Variants in TET3 observed in about 807,000 individuals in gnomAD.
TET3 encodes the protein methylcytosine dioxygenase TET3.
Under a neutral mutation model 141.4 loss-of-function variants are expected in TET3, and 19 were observed. The ratio of observed to expected loss-of-function variants is 0.13; its 90% CI spans 0.09 to 0.20. The LOEUF is 0.20. Among genes scored for constraint, TET3 ranks in the 10% least tolerant of loss-of-function variants. The pLI, the probability that TET3 is intolerant of heterozygous loss-of-function variation, is 1.00. For missense variants in TET3, 1,874 were observed against 2,356.9 expected, an observed-to-expected ratio of 0.80 and a Z score of 4.24; for synonymous variants, 1,043 against 980.9, an observed-to-expected ratio of 1.06 and a Z score of -1.18.
chr2:74,050,904 C>T (rs1411306326), intron 4 of TET3, among the ~76,000 whole-genome samples: 2 of 152,064 alleles, frequency 1.3e-5, no homozygotes, highest in African/African-American at 2.4e-5. Context: ...TAGTTACCCA[C>T]TCAGCCAGTG....
chr2:74,025,937 C>A, intron 3 of TET3, among the ~76,000 whole-genome samples: 1 of 151,410 alleles, frequency 6.6e-6, no homozygotes, highest in African/African-American at 2.4e-5. Flanking sequence ...GACCTCATCT[C>A]CAAAAAAAAA....
At chr2:74,063,893 C>CAAAAAAAAAAAAA (rs70965781) in intron 4 of TET3, among the ~76,000 whole-genome samples, 1 of 106,306 alleles carries the variant, frequency 9.4e-6, no homozygotes, top group African/African-American at 3.0e-5. Flanking sequence ...TCTCTGCAGA[C>CAAAAAAAAAAAAA]AAAAAAAAAA....
At chr2:74,002,052 T>G (rs928244522) in intron 2 of TET3, among the ~76,000 whole-genome samples, 2 of 152,034 alleles carry the variant, frequency 1.3e-5, no homozygotes, top group Non-Finnish European at 2.9e-5. Context: ...GGAGCCTGTT[T>G]TCTGAGGTGG....
intron 5 of TET3, among the ~76,000 whole-genome samples, chr2:74,074,250 T>G (rs1045878121): frequency 1.3e-5 from 2 of 152,186 alleles, no homozygotes; most frequent in African/African-American, 2.4e-5. Flanking sequence ...TCCTGGTTCC[T>G]TTTATTGGAG....
At chr2:74,071,692 T>C (rs1029631551) in intron 4 of TET3, among the ~76,000 whole-genome samples, 1 of 152,214 alleles carries the variant, frequency 6.6e-6, no homozygotes, top group Non-Finnish European at 1.5e-5. Context: ...CAATGTAGGT[T>C]ACTCTATTAC....
intron 3 of TET3, among the ~76,000 whole-genome samples, chr2:74,018,077 C>T (rs1239134337): frequency 6.6e-6 from 1 of 151,148 alleles, no homozygotes; most frequent in Non-Finnish European, 1.5e-5. Flanking sequence ...AAGCAATTCT[C>T]CTGCCTCAGC....
At chr2:74,040,181 T>C (rs1687269133) in intron 3 of TET3, among the ~76,000 whole-genome samples, 1 of 152,000 alleles carries the variant, frequency 6.6e-6, no homozygotes, top group African/African-American at 2.4e-5. Context: ...GCTGGGAGTC[T>C]TAAGAGAGGG....
At chr2:74,020,745 G>C (rs561119835) in intron 3 of TET3, among the ~76,000 whole-genome samples, 27 of 152,344 alleles carry the variant, frequency 1.8e-4, no homozygotes, top group African/African-American at 6.0e-4. Context: ...AATCCCTGCT[G>C]TTGTTAAGCA....
intron 4 of TET3, among the ~76,000 whole-genome samples, chr2:74,068,473 A>T (rs1689029164): frequency 6.6e-6 from 1 of 152,186 alleles, no homozygotes. Context: ...CATTATATGG[A>T]TATGCTGTAA....
At chr2:74,110,287 C>T (rs184522263), downstream of TET3, among the ~76,000 whole-genome samples, 2 of 152,176 alleles carry the variant, frequency 1.3e-5, no homozygotes, top group Admixed American at 1.3e-4. Context: ...CCCACTCTCC[C>T]TGCCTATTTT....
the TET3 span, among the ~76,000 whole-genome samples, chr2:74,127,812 G>A: frequency 1.3e-5 from 2 of 152,044 alleles, no homozygotes; most frequent in African/African-American, 4.8e-5. Context: ...TTTTAAGTGT[G>A]TGCTTCAGCA....
chr2:74,021,161 G>A (rs185404410), intron 3 of TET3, among the ~76,000 whole-genome samples: 1 of 152,126 alleles, frequency 6.6e-6, no homozygotes, highest in Admixed American at 6.5e-5. Flanking sequence ...TGGGGCCTCT[G>A]AGTCTCCCCA....
chr2:74,086,624 T>C (rs1690173076), intron 6 of TET3, among the ~76,000 whole-genome samples: 1 of 151,706 alleles, frequency 6.6e-6, no homozygotes, highest in Middle Eastern at 3.2e-3. Context: ...CCCTGTCTCT[T>C]AAAAAATTTT....
chr2:74,002,643 G>C lies in TET3; in HGVS notation c.304-467G>C, dbSNP rs1684916328. ...CAGGGCCGGCCGCGGGGATTGGCTG[G>C]CGAGCGCGCCGCCCCCTCGCACACC... On this transcript the variant is annotated intron_variant, in intron 2 of 11. Coordinates refer to ENST00000409262, the MANE Select transcript of TET3 (RefSeq NM_001287491.2). The C allele has an allele frequency of 8.0e-6, 3 of 373,522 alleles. No individual in the cohort carries two copies. The South Asian group carries it at 3.9e-4, about 49-fold the overall frequency. 23.1% of individuals were successfully genotyped at this position (373,522 alleles called of 1,614,324 possible).
intron 6 of TET3, among the ~76,000 whole-genome samples, chr2:74,081,697 G>A (rs1689837394): frequency 6.6e-6 from 1 of 152,198 alleles, no homozygotes; most frequent in Non-Finnish European, 1.5e-5. Context: ...TGTGCATGTT[G>A]TAGGAAATTC....
At chr2:74,114,089 C>T in the TET3 span, among the ~76,000 whole-genome samples, 1 of 152,166 alleles carries the variant, frequency 6.6e-6, no homozygotes, top group Non-Finnish European at 1.5e-5. Flanking sequence ...CAGCATGGTA[C>T]TGGCATAAAA....
At position 73,988,615 on chromosome 2, in the gene TET3, T is replaced by A. The variant is rs57628223; in HGVS notation, c.303+1909T>A. ...TTAGAGACACCCCTGCTGAGAGATG[T>A]CTGCATCCCTGTTGACCTTGCCATG... On this transcript the variant is annotated intron_variant, in intron 2 of 11. Coordinates refer to ENST00000409262, the MANE Select transcript of TET3 (RefSeq NM_001287491.2). Among the ~76,000 whole-genome samples the A allele has an allele frequency of 2.6e-5, 4 of 152,300 alleles. No homozygotes were observed. The East Asian group carries it at 7.7e-4, about 29-fold the overall frequency.
downstream of TET3, among the ~76,000 whole-genome samples, chr2:74,109,282 CA>C (rs1691645187): frequency 1.3e-5 from 2 of 152,140 alleles, no homozygotes; most frequent in African/African-American, 4.8e-5. Context: ...AATTAGAAGA[CA>C]GAAGTTCTTA....
chr2:74,047,937 G>A lies in TET3; in HGVS notation c.2020G>A (p.Asp674Asn). ...LALFAPSPSR[D>N]SLLPPTQEMR... ...GCTATTTGCACCTAGTCCCTCCAGGGACAGCCTGCTGCCCCCTACTCAGGA... is the reference window on the plus strand; with the variant it reads ...GCTATTTGCACCTAGTCCCTCCAGGAACAGCCTGCTGCCCCCTACTCAGGA... The change falls in exon 4 of 12, where the codon GAC becomes AAC. Residue 674 changes from aspartate to asparagine, a missense_variant. Coordinates refer to ENST00000409262, the MANE Select transcript of TET3 (RefSeq NM_001287491.2). 1 of 1,613,544 alleles carries A rather than the reference G, an allele frequency of 6.2e-7. No individual in the cohort carries two copies. The highest frequency in any genetic ancestry group is 8.5e-7 in the Non-Finnish European group (1 of 1,179,790).
Sources: gnomAD v4.1 joint callset for allele counts (sites outside exome capture counted in the v4.1 genomes callset) on GRCh38, gnomAD v4.1.1 for gene constraint, MANE v1.5 for transcripts, NCBI Gene and HGNC (gene_info 2026-07-23, HGNC 2026-07-21) for gene names.